The following FHOD3 variants were observed in gnomAD, a reference collection of about 807,000 sequenced individuals.
The protein encoded by FHOD3 is FH1/FH2 domain-containing protein 3.
FHOD3 carries 90 observed loss-of-function variants against 173.0 expected under a neutral mutation model. The ratio of observed to expected loss-of-function variants is 0.52; its 90% CI spans 0.44 to 0.62. FHOD3 has a LOEUF of 0.62. Among genes scored for constraint, FHOD3 ranks in the 20% least tolerant of loss-of-function variants. The pLI, the probability that FHOD3 is intolerant of heterozygous loss-of-function variation, is 0.00. For synonymous variants in FHOD3, 828 were observed against 823.0 expected (o/e 1.01, Z -0.10); for missense variants, 1,945 against 2,034.7 (o/e 0.96, Z 0.85).
At chr18:36,415,803 C>T in intron 3 of FHOD3, among the ~76,000 whole-genome samples, 1 of 152,106 alleles carries the variant, frequency 6.6e-6, no homozygotes, top group Non-Finnish European at 1.5e-5. Flanking sequence ...GCATGTGATT[C>T]TTTTTCCAAG....
At chr18:36,441,937 G>A (rs947478317) in intron 3 of FHOD3, among the ~76,000 whole-genome samples, 3 of 152,310 alleles carry the variant, frequency 2.0e-5, no homozygotes, top group African/African-American at 7.2e-5. Flanking sequence ...ATTATGCTAA[G>A]TTAGGATTTC....
At chr18:36,446,301 G>A (rs757607707) in intron 3 of FHOD3, among the ~76,000 whole-genome samples, 13 of 152,136 alleles carry the variant, frequency 8.5e-5, no homozygotes, top group Non-Finnish European at 1.3e-4. Flanking sequence ...CATTAGTCGC[G>A]GTGAAATCAC....
chr18:36,532,935 G>A (rs1298417449), intron 5 of FHOD3, among the ~76,000 whole-genome samples: 1 of 152,248 alleles, frequency 6.6e-6, no homozygotes, highest in Admixed American at 6.5e-5. Flanking sequence ...CCATGTCCAT[G>A]TTTGATTGAC....
intron 10 of FHOD3, among the ~76,000 whole-genome samples, chr18:36,634,149 G>A (rs915552444): frequency 2.0e-5 from 3 of 152,184 alleles, no homozygotes; most frequent in African/African-American, 7.2e-5. Flanking sequence ...TAGTGGCCCA[G>A]CAGGTGGTAG....
intron 5 of FHOD3, among the ~76,000 whole-genome samples, chr18:36,546,914 T>C (rs979489647): frequency 1.3e-5 from 2 of 152,218 alleles, no homozygotes; most frequent in African/African-American, 4.8e-5. Context: ...GTAATCAGCA[T>C]AGAACCTCGA....
chr18:36,621,492 G>A (rs868037044), intron 9 of FHOD3, among the ~76,000 whole-genome samples: 2 of 152,120 alleles, frequency 1.3e-5, no homozygotes, highest in East Asian at 1.9e-4. Flanking sequence ...GGTCTAAGAC[G>A]GCCTTAGTTT....
chr18:36,596,325 T>A (rs1159867902), intron 7 of FHOD3, among the ~76,000 whole-genome samples: 5 of 64,310 alleles, frequency 7.8e-5, no homozygotes, highest in African/African-American at 1.9e-4. Flanking sequence ...CAGCTAATTT[T>A]TTTTTTTTTT....
chr18:36,695,245 A>G (rs1351474750), intron 17 of FHOD3, among the ~76,000 whole-genome samples: 2 of 151,746 alleles, frequency 1.3e-5, no homozygotes, highest in Non-Finnish European at 2.9e-5. Flanking sequence ...TCAGCTACTT[A>G]GGAGGCTGAG....
chr18:36,332,203 G>A (rs2045052934), intron 1 of FHOD3, among the ~76,000 whole-genome samples: 1 of 152,202 alleles, frequency 6.6e-6, no homozygotes, highest in Non-Finnish European at 1.5e-5. Flanking sequence ...GAGCTGAGAG[G>A]CAATACCTTG....
At chr18:36,363,613 G>C (rs2046743166) in intron 2 of FHOD3, among the ~76,000 whole-genome samples, 1 of 152,170 alleles carries the variant, frequency 6.6e-6, no homozygotes, top group South Asian at 2.1e-4. Flanking sequence ...ACAGTGAAAA[G>C]ATCTGTTGCC....
chr18:36,596,280 G>A (rs924723777), intron 7 of FHOD3, among the ~76,000 whole-genome samples: 37 of 147,542 alleles, frequency 2.5e-4, no homozygotes, highest in East Asian at 8.0e-4. Context: ...TCAGCCTCCC[G>A]AGTGGCTGGG....
intron 4 of FHOD3, among the ~76,000 whole-genome samples, chr18:36,510,044 C>T (rs183320750): frequency 1.3e-3 from 195 of 152,262 alleles, no homozygotes; most frequent in African/African-American, 4.2e-3. Flanking sequence ...CTTCCATACC[C>T]GTGGGTCGGC....
intron 15 of FHOD3, among the ~76,000 whole-genome samples, chr18:36,684,233 C>CA (rs1365404844): frequency 6.6e-6 from 1 of 152,056 alleles, no homozygotes; most frequent in Non-Finnish European, 1.5e-5. Flanking sequence ...CAAAATAAAA[C>CA]AAAAATCAAG....
intron 5 of FHOD3, among the ~76,000 whole-genome samples, chr18:36,542,593 C>T (rs2057267466): frequency 6.6e-6 from 1 of 152,164 alleles, no homozygotes; most frequent in Non-Finnish European, 1.5e-5. Context: ...CCAAAATCAA[C>T]TTGCTGAAAA....
intron 14 of FHOD3, among the ~76,000 whole-genome samples, chr18:36,658,891 C>T (rs947103436): frequency 4.6e-5 from 7 of 152,100 alleles, no homozygotes; most frequent in African/African-American, 1.7e-4. Flanking sequence ...CAACCCATAC[C>T]TTAGAGGGTG....
At chr18:36,658,987 T>A (rs912941647) in intron 14 of FHOD3, among the ~76,000 whole-genome samples, 3 of 152,166 alleles carry the variant, frequency 2.0e-5, no homozygotes, top group African/African-American at 4.8e-5. Flanking sequence ...GTGTAGGAGA[T>A]GATAGCATGT....
At chr18:36,661,337 T>G (rs1382258412) in intron 14 of FHOD3, among the ~76,000 whole-genome samples, 1 of 152,218 alleles carries the variant, frequency 6.6e-6, no homozygotes, top group Non-Finnish European at 1.5e-5. Context: ...GTGTGATTAT[T>G]TTTACTGAGG....
intron 7 of FHOD3, among the ~76,000 whole-genome samples, chr18:36,595,658 G>T (rs2030223392): frequency 6.6e-6 from 1 of 152,198 alleles, no homozygotes; most frequent in Non-Finnish European, 1.5e-5. Flanking sequence ...CACTCCAGCT[G>T]GCCCAGAGCC....
intron 21 of FHOD3, among the ~76,000 whole-genome samples, chr18:36,742,170 G>T (rs999102059): frequency 1.3e-5 from 2 of 152,082 alleles, no homozygotes; most frequent in Non-Finnish European, 2.9e-5. Flanking sequence ...AGTGAGGGTG[G>T]GGGAGATGGA....
Sources: gnomAD v4.1 joint callset for allele counts (sites outside exome capture counted in the v4.1 genomes callset) on GRCh38, gnomAD v4.1.1 for gene constraint, MANE v1.5 for transcripts, NCBI Gene and HGNC (gene_info 2026-07-23, HGNC 2026-07-21) for gene names.